TEK: variants seen among roughly 807,000 people sequenced by gnomAD.
TEK encodes angiopoietin-1 receptor.
A neutral mutation model predicts 131.8 loss-of-function variants in TEK; 43 were observed. The ratio of observed to expected loss-of-function variants is 0.33; its 90% confidence interval spans 0.26 to 0.42. The LOEUF is 0.42. Ranked by LOEUF, TEK falls within the 10% of genes least tolerant of loss-of-function variation. The pLI is 1.00. For missense variants in TEK, 1,162 were observed against 1,384.4 expected (o/e 0.84, Z 2.55); for synonymous variants, 580 against 491.6 (o/e 1.18, Z -2.38).
chr9:27,140,541 G>A (rs1822688048), intron 1 of TEK, among the ~76,000 whole-genome samples: 1 of 151,838 alleles, frequency 6.6e-6, no homozygotes, highest in African/African-American at 2.4e-5. Context: ...GTCTATATAC[G>A]ATTGCACTGA....
chr9:27,141,480 T>C (rs1822723184), intron 1 of TEK, among the ~76,000 whole-genome samples: 1 of 152,222 alleles, frequency 6.6e-6, no homozygotes, highest in Admixed American at 6.5e-5. Flanking sequence ...AAGTCTTTGC[T>C]AATTTACCAT....
chr9:27,222,152 A>G (rs1165025285), intron 21 of TEK, among the ~76,000 whole-genome samples: 1 of 152,154 alleles, frequency 6.6e-6, no homozygotes, highest in East Asian at 1.9e-4. Context: ...TACTGAAGAT[A>G]CACTTAAAGC....
intron 11 of TEK, among the ~76,000 whole-genome samples, chr9:27,193,123 A>C (rs1447465055): frequency 6.6e-6 from 1 of 152,216 alleles, no homozygotes; most frequent in Non-Finnish European, 1.5e-5. Context: ...TAGAATAAGA[A>C]GCTTTTATCT....
rs183451434 is a variant in TEK at position 27,117,913 on chromosome 9, G to A, written c.52+8271G>A. Among the ~76,000 whole-genome samples, 14 of 152,290 alleles carry A rather than the reference G, an allele frequency of 9.2e-5. No homozygotes were observed. The East Asian group carries it at 2.5e-3, about 27-fold the overall frequency. ...GGGGAGCACTGGAAGACAATGCTCG[G>A]CCACTTTCCTCCAGATACAATAGGC... On this transcript the variant is annotated intron_variant, in intron 1 of 22. Transcript: ENST00000380036.
chr9:27,192,503 G>A lies in TEK; in HGVS notation c.1504G>A (p.Val502Ile), dbSNP rs754055188. The change falls in exon 11 of 23, where the codon GTT (valine) becomes ATT (isoleucine). Residue 502 changes from valine (V) to isoleucine (I), a missense_variant. Transcript: ENST00000380036. The stretch of plus-strand genomic sequence containing the variant: ...TCTCTTCTCAGTGACAAATGAGATT[G>A]TTACACTCAACTATTTGGAACCTCG... ...WQHIQVTNEI[V>I]TLNYLEPRTE... 3.1e-6 allele frequency: 5 copies of A among 1,613,636 alleles called. No individual in the cohort carries two copies. The highest frequency in any genetic ancestry group is 4.2e-6 in the Non-Finnish European group (5 of 1,179,706).
At chr9:27,191,554 C>T (rs1293290759) in intron 10 of TEK, among the ~76,000 whole-genome samples, 1 of 151,122 alleles carries the variant, frequency 6.6e-6, no homozygotes, top group Non-Finnish European at 1.5e-5. Flanking sequence ...TAAAATGACC[C>T]TCTATTCACT....
chr9:27,202,798 C>T, intron 12 of TEK, 22 bp from the exon 13 acceptor site: 2 of 1,611,010 alleles, frequency 1.2e-6, no homozygotes, highest in Non-Finnish European at 1.7e-6. Flanking sequence ...TTAAGTGAAT[C>T]TTTTTTCTTT....
chr9:27,131,342 G>T (rs1267468221), intron 1 of TEK, among the ~76,000 whole-genome samples: 3 of 151,860 alleles, frequency 2.0e-5, no homozygotes, highest in East Asian at 3.9e-4. Context: ...CAAAAATCAG[G>T]TGGGTGTGGT....
intron 1 of TEK, among the ~76,000 whole-genome samples, chr9:27,149,433 G>A (rs1482835824): frequency 3.9e-5 from 6 of 151,978 alleles, no homozygotes; most frequent in Non-Finnish European, 8.8e-5. Context: ...ACTTAGCATT[G>A]TGTTTATTAT....
chr9:27,166,019 C>T (rs988357714), intron 2 of TEK, among the ~76,000 whole-genome samples: 2 of 152,270 alleles, frequency 1.3e-5, no homozygotes, highest in Non-Finnish European at 2.9e-5. Flanking sequence ...CTTGATTAGT[C>T]TTTCTCAAAC....
At position 27,206,742 on chromosome 9, in the gene TEK, G is replaced by T. The variant is rs200750146; in HGVS notation, c.2525G>T (p.Arg842Leu). 5 of 1,614,036 alleles carry T rather than the reference G, an allele frequency of 3.1e-6. No homozygotes were observed. The highest frequency in any genetic ancestry group is 3.4e-6 in the Non-Finnish European group (4 of 1,179,968). The part of the protein sequence containing the change: ...EGNFGQVLKA[R>L]IKKDGLRMDA... ...AATTTTGGCCAAGTTCTTAAGGCGCGCATCAAGAAGGATGGGTTACGGATG... is the reference window on the plus strand; with the variant it reads ...AATTTTGGCCAAGTTCTTAAGGCGCTCATCAAGAAGGATGGGTTACGGATG... The change falls in exon 15 of 23, where the codon CGC (arginine) becomes CTC (leucine). Residue 842 changes from arginine to leucine, a missense_variant. Physicochemically the swap from Arg to Leu is moderately radical, Grantham distance 102. This residue lies in a region of TEK where 57 missense variants were observed against 100.8 expected (regional missense o/e 0.57). Coordinates refer to ENST00000380036, the MANE Select transcript of TEK (RefSeq NM_000459.5).
At chr9:27,148,789 T>A (rs556168322) in intron 1 of TEK, among the ~76,000 whole-genome samples, 2 of 152,370 alleles carry the variant, frequency 1.3e-5, no homozygotes, top group East Asian at 1.9e-4. Flanking sequence ...CAACGACTTA[T>A]GAAATTTCTT....
At chr9:27,138,836 CA>C (rs1228486180) in intron 1 of TEK, among the ~76,000 whole-genome samples, 2 of 152,128 alleles carry the variant, frequency 1.3e-5, no homozygotes, top group African/African-American at 2.4e-5. Flanking sequence ...TGGTTGTACA[CA>C]AGTGGTCCTG....
chr9:27,166,944 C>T (rs1823752290), intron 2 of TEK, among the ~76,000 whole-genome samples: 1 of 152,080 alleles, frequency 6.6e-6, no homozygotes, highest in South Asian at 2.1e-4. Context: ...CTCTCTTGCC[C>T]TCTTGTTGAG....
chr9:27,226,947 G>A (rs969781357), intron 21 of TEK, among the ~76,000 whole-genome samples: 11 of 152,262 alleles, frequency 7.2e-5, no homozygotes, highest in African/African-American at 2.2e-4. Context: ...GAGTGAAGGA[G>A]GGTGTTAATC....
intron 1 of TEK, among the ~76,000 whole-genome samples, chr9:27,125,243 G>T (rs563345769): frequency 6.6e-6 from 1 of 152,342 alleles, no homozygotes; most frequent in Non-Finnish European, 1.5e-5. Context: ...AACAGGCTTG[G>T]ATACAGCTCT....
At chr9:27,133,877 C>T (rs990107594) in intron 1 of TEK, among the ~76,000 whole-genome samples, 1 of 152,160 alleles carries the variant, frequency 6.6e-6, no homozygotes, top group African/African-American at 2.4e-5. Flanking sequence ...CATTGGGGAA[C>T]CCCTAACATA....
chr9:27,206,913 T>C, intron 15 of TEK, 121 bp downstream of exon 15: 1 of 1,086,342 alleles, frequency 9.2e-7, no homozygotes, highest in Non-Finnish European at 1.4e-6. Flanking sequence ...ATAGCTGTTA[T>C]TTGCAACTGA....
chr9:27,151,209 C>A (rs1823116236), intron 1 of TEK, among the ~76,000 whole-genome samples: 1 of 152,056 alleles, frequency 6.6e-6, no homozygotes, highest in African/African-American at 2.4e-5. Flanking sequence ...ACTACATACA[C>A]AAAAGGAAGA....
Sources: allele counts gnomAD v4.1 joint callset (sites outside exome capture counted in the v4.1 genomes callset), GRCh38; gene constraint gnomAD v4.1.1; regional missense constraint gnomAD v4.1.1; transcripts MANE v1.5; gene names NCBI Gene and HGNC (gene_info 2026-07-23, HGNC 2026-07-21).